The following GPC5 variants were observed in gnomAD, a reference collection of about 807,000 sequenced individuals.
GPC5 encodes glypican 5, also known as glypican-5.
Under a neutral mutation model 53.9 loss-of-function variants are expected in GPC5, and 47 were observed. That is an observed-to-expected ratio of 0.87 (90% CI 0.69 to 1.11). The LOEUF (loss-of-function observed/expected upper bound fraction) is 1.11, where lower values mean the gene tolerates loss of function less well. GPC5 is among the 50% of genes most tolerant of loss of function. The probability of loss-of-function intolerance (pLI) is 0.00; values close to 1 mark genes in which losing one functional copy is unlikely to be tolerated. For missense variants in GPC5, 748 were observed against 713.1 expected (o/e 1.05, Z -0.56); for synonymous variants, 286 against 263.3 (o/e 1.09, Z -0.84).
chr13:92,222,864 T>G (rs2042459408), intron 7 of GPC5, among the ~76,000 whole-genome samples: 2 of 152,212 alleles, frequency 1.3e-5, no homozygotes, highest in Admixed American at 6.6e-5. Flanking sequence ...TAGCATGTAT[T>G]CATTCAACAA....
chr13:91,938,370 A>C (rs79397070), intron 6 of GPC5, among the ~76,000 whole-genome samples: 2,288 of 152,188 alleles, frequency 0.015, 51 homozygotes, highest in African/African-American at 0.053. Context: ...CAGAGTGAGA[A>C]CTCACTCATT....
chr13:91,877,046 G>T (rs2039210747), intron 5 of GPC5, among the ~76,000 whole-genome samples: 1 of 152,212 alleles, frequency 6.6e-6, no homozygotes. Context: ...TTGAGCCTGT[G>T]GGTACACAAA....
chr13:91,732,101 A>G (rs889157139), intron 4 of GPC5, among the ~76,000 whole-genome samples: 3 of 152,202 alleles, frequency 2.0e-5, no homozygotes, highest in African/African-American at 4.8e-5. Flanking sequence ...TCCTTGAGGA[A>G]GCACCACACT....
At chr13:92,736,855 T>G (rs946864566) in intron 7 of GPC5, among the ~76,000 whole-genome samples, 1 of 151,940 alleles carries the variant, frequency 6.6e-6, no homozygotes, top group Non-Finnish European at 1.5e-5. Flanking sequence ...ATTAAATACA[T>G]GTTTAATGAT....
chr13:92,185,365 T>G (rs2042176301), intron 7 of GPC5, among the ~76,000 whole-genome samples: 1 of 152,192 alleles, frequency 6.6e-6, no homozygotes. Context: ...GATCTCCAGC[T>G]CAAAATATTA....
chr13:92,067,174 T>C (rs927913111), intron 6 of GPC5, among the ~76,000 whole-genome samples: 2 of 152,100 alleles, frequency 1.3e-5, no homozygotes, highest in Non-Finnish European at 2.9e-5. Context: ...TATTTGGGAC[T>C]ATTTGCTCCG....
chr13:92,363,547 G>T (rs1566557617), intron 7 of GPC5, among the ~76,000 whole-genome samples: 2 of 151,876 alleles, frequency 1.3e-5, no homozygotes, highest in East Asian at 3.9e-4. Context: ...TTCTGCTGCT[G>T]ATCTAACATG....
intron 6 of GPC5, among the ~76,000 whole-genome samples, chr13:91,930,561 T>G (rs1398332039): frequency 6.6e-6 from 1 of 152,046 alleles, no homozygotes; most frequent in Admixed American, 6.6e-5. Context: ...CATATGAAAT[T>G]GTCAGTATTC....
intron 7 of GPC5, among the ~76,000 whole-genome samples, chr13:92,858,491 A>G (rs1384016291): frequency 6.6e-6 from 1 of 152,196 alleles, no homozygotes; most frequent in Non-Finnish European, 1.5e-5. Flanking sequence ...TAAAAAAATG[A>G]CATAGTGTCC....
intron 1 of GPC5, among the ~76,000 whole-genome samples, chr13:91,403,737 C>A (rs1031938573): frequency 1.3e-5 from 2 of 152,152 alleles, no homozygotes; most frequent in African/African-American, 4.8e-5. Context: ...CTAAGAGAAT[C>A]ACGTGTTTCA....
At chr13:92,382,656 T>C (rs981952788) in intron 7 of GPC5, among the ~76,000 whole-genome samples, 1 of 152,102 alleles carries the variant, frequency 6.6e-6, no homozygotes, top group African/African-American at 2.4e-5. Flanking sequence ...ACAAGAAAAC[T>C]GTACCCACAG....
At chr13:92,628,949 C>T (rs542171580) in intron 7 of GPC5, among the ~76,000 whole-genome samples, 28 of 152,286 alleles carry the variant, frequency 1.8e-4, no homozygotes, top group African/African-American at 6.7e-4. Context: ...TTCTTTCTAG[C>T]TCTCTTGTTG....
chr13:91,849,820 T>C (rs2038893384), intron 5 of GPC5, among the ~76,000 whole-genome samples: 1 of 152,234 alleles, frequency 6.6e-6, no homozygotes, highest in Admixed American at 6.5e-5. Context: ...ATTTTTATTT[T>C]ACTAACTCTG....
intron 7 of GPC5, chr13:92,448,488 C>G (rs1594211236): frequency 6.6e-6 from 1 of 151,598 alleles, no homozygotes; most frequent in Admixed American, 6.6e-5. Flanking sequence ...CTAAACAAAA[C>G]TTATCTACTG....
At chr13:91,798,634 T>C (rs2038085780) in intron 5 of GPC5, among the ~76,000 whole-genome samples, 1 of 152,208 alleles carries the variant, frequency 6.6e-6, no homozygotes, top group African/African-American at 2.4e-5. Flanking sequence ...CAATTATGAA[T>C]AGTGCTACAA....
At chr13:92,200,745 T>C (rs550190537) in intron 7 of GPC5, among the ~76,000 whole-genome samples, 1 of 152,346 alleles carries the variant, frequency 6.6e-6, no homozygotes, top group South Asian at 2.1e-4. Flanking sequence ...AGACCAATTA[T>C]TGTAGCTAAA....
intron 7 of GPC5, among the ~76,000 whole-genome samples, chr13:92,501,247 C>T (rs374810095): frequency 1.5e-3 from 222 of 151,636 alleles, no homozygotes; most frequent in African/African-American, 5.0e-3. Context: ...AGGAATGAAA[C>T]AATAGAAAAT....
At chr13:92,432,627 C>T (rs1420543995) in intron 7 of GPC5, among the ~76,000 whole-genome samples, 2 of 151,600 alleles carry the variant, frequency 1.3e-5, no homozygotes, top group African/African-American at 2.4e-5. Context: ...TGCCCGCCTC[C>T]GCCTCCCAAA....
chr13:91,748,290 G>A (rs773892594), intron 4 of GPC5, among the ~76,000 whole-genome samples: 1 of 152,150 alleles, frequency 6.6e-6, no homozygotes, highest in Non-Finnish European at 1.5e-5. Flanking sequence ...AGCCTCTTTA[G>A]TAGAGTCTGG....
Sources: allele counts gnomAD v4.1 joint callset (sites outside exome capture counted in the v4.1 genomes callset), GRCh38; gene constraint gnomAD v4.1.1; transcripts MANE v1.5; gene names NCBI Gene and HGNC (gene_info 2026-07-23, HGNC 2026-07-21).